Variants in AP2A2 observed in about 807,000 individuals in gnomAD.
AP2A2 encodes the protein adaptor related protein complex 2 subunit alpha 2.
Under a neutral mutation model 104.2 loss-of-function variants are expected in AP2A2, and 32 were observed. The observed-to-expected ratio is 0.31, with a 90% CI of 0.23 to 0.41. The LOEUF (loss-of-function observed/expected upper bound fraction) is 0.41. Among genes scored for constraint, AP2A2 ranks in the 10% least tolerant of loss-of-function variants. The pLI is 1.00. For synonymous variants in AP2A2, 539 were observed against 533.3 expected (o/e 1.01, Z -0.15); for missense variants, 912 against 1,261.0 (o/e 0.72, Z 4.19).
chr11:950,510 G>A (rs118033674), intron 1 of AP2A2, among the ~76,000 whole-genome samples: 10,424 of 151,838 alleles, frequency 0.069, 432 homozygotes, highest in South Asian at 0.11. Context: ...GGGTTTTGCC[G>A]TGTTGGCCAA....
intron 1 of AP2A2, among the ~76,000 whole-genome samples, chr11:957,768 C>A (rs569792799): frequency 4.5e-4 from 68 of 152,338 alleles, no homozygotes; most frequent in African/African-American, 1.6e-3. Context: ...TATCGTAATC[C>A]CTCCTAGCTT....
At chr11:999,795 A>C (rs888233503) in intron 14 of AP2A2, among the ~76,000 whole-genome samples, 3 of 135,242 alleles carry the variant, frequency 2.2e-5, no homozygotes, top group South Asian at 2.3e-4. Context: ...GCATGATCTT[A>C]GTTCTTTCTT....
At chr11:963,380 C>T (rs112937135) in intron 2 of AP2A2, among the ~76,000 whole-genome samples, 220 of 151,978 alleles carry the variant, frequency 1.4e-3, no homozygotes, top group Admixed American at 3.4e-3. Flanking sequence ...GAGCCGAGAT[C>T]GTGCCAGTGC....
At chr11:996,077 C>T (rs1253701312) in intron 14 of AP2A2, 2 of 152,230 alleles carry the variant, frequency 1.3e-5, no homozygotes, top group African/African-American at 2.4e-5. Context: ...CCATCTCTCC[C>T]TCTCCTTTGG....
At chr11:955,918 G>T (rs916962583) in intron 1 of AP2A2, among the ~76,000 whole-genome samples, 2 of 152,156 alleles carry the variant, frequency 1.3e-5, no homozygotes, top group South Asian at 4.1e-4. Flanking sequence ...AGGCCTGGCG[G>T]GGCCGCTTGT....
At chr11:970,407 C>T in intron 3 of AP2A2, 96 bp downstream of exon 3, 3 of 1,487,002 alleles carry the variant, frequency 2.0e-6, no homozygotes, top group East Asian at 2.3e-5. Flanking sequence ...CCTTCTCTGC[C>T]CACAGCTGAC....
intron 1 of AP2A2, among the ~76,000 whole-genome samples, chr11:942,698 T>C (rs1265216751): frequency 6.6e-6 from 1 of 152,182 alleles, no homozygotes; most frequent in Non-Finnish European, 1.5e-5. Context: ...TTATTTTAGA[T>C]TCTGGGGGTA....
chr11:1,002,584 G>A (rs1856064454), intron 15 of AP2A2, among the ~76,000 whole-genome samples: 1 of 152,266 alleles, frequency 6.6e-6, no homozygotes, highest in South Asian at 2.1e-4. Context: ...GCTGGAGTGG[G>A]GCATTGCGTG....
intron 1 of AP2A2, among the ~76,000 whole-genome samples, chr11:934,205 C>T (rs1469713284): frequency 6.6e-6 from 1 of 152,124 alleles, no homozygotes. Context: ...CTGCTGGGTG[C>T]GTTCTTAGGA....
rs369507312 is a variant in AP2A2, at chr11:986,764, A to G, written c.963-21A>G. On this transcript the variant is annotated intron_variant, in intron 8 of 21. Coordinates refer to ENST00000448903, the MANE Select transcript of AP2A2 (RefSeq NM_012305.4). ...TGCACTTGCTGAGGAAACCCCACCC[A>G]CTTCCCCTCCCTCCACACAGTGAGC... is the stretch of plus-strand genomic sequence containing the variant. 41 of 1,608,888 alleles carry G rather than the reference A, an allele frequency of 2.5e-5. No homozygotes were observed. The African/African-American group carries it at 4.8e-4, about 19-fold the overall frequency.
chr11:951,148 C>G (rs535604439), intron 1 of AP2A2, among the ~76,000 whole-genome samples: 1 of 151,298 alleles, frequency 6.6e-6, no homozygotes, highest in South Asian at 2.1e-4. Flanking sequence ...AATAGATTTA[C>G]GAATGTTCAA....
intron 1 of AP2A2, chr11:933,618 T>C (rs1038629057): frequency 8.8e-6 from 4 of 456,104 alleles, no homozygotes; most frequent in Admixed American, 4.7e-5. Flanking sequence ...AGCAGCCCTA[T>C]TTTAAATAGC....
At chr11:935,113 G>A (rs1474361907) in intron 1 of AP2A2, among the ~76,000 whole-genome samples, 2 of 148,190 alleles carry the variant, frequency 1.3e-5, no homozygotes. Flanking sequence ...GAGTGCAGTG[G>A]TGCGATCTCT....
intron 18 of AP2A2, 43 bp downstream of exon 18, chr11:1,008,178 G>A (rs759570162): frequency 5.8e-6 from 9 of 1,551,584 alleles, no homozygotes; most frequent in African/African-American, 5.4e-5. Flanking sequence ...GTGTGTGGGC[G>A]CCTGAGCTGT....
rs1361224575 is a variant in AP2A2 at position 1,008,047 on chromosome 11, G to T, written c.2332G>T (p.Val778Leu). The change falls in exon 18 of 22, where the codon GTG becomes TTG. Residue 778 changes from valine (V) to leucine (L), a missense_variant. Physicochemically the swap from Val to Leu is conservative, Grantham distance 32. Coordinates refer to ENST00000448903, the MANE Select transcript of AP2A2 (RefSeq NM_012305.4). ...GCAGACCAAGCCCGTGGACCCGACC[G>T]TGGAGGGGGGCGCGCAGGTGCAGCA... is the stretch of plus-strand genomic sequence containing the variant. ...NLQTKPVDPTVEGGAQVQQVV... is the reference protein window; with the variant it reads ...NLQTKPVDPTLEGGAQVQQVV... The T allele has an allele frequency of 1.9e-6, 3 of 1,574,588 alleles. No individual in the cohort carries two copies. The highest frequency in any genetic ancestry group is 2.6e-6 in the Non-Finnish European group (3 of 1,160,948).
intron 1 of AP2A2, among the ~76,000 whole-genome samples, chr11:951,947 A>G (rs761713072): frequency 6.9e-6 from 1 of 144,780 alleles, no homozygotes; most frequent in Non-Finnish European, 1.5e-5. Flanking sequence ...GGCTCACTGG[A>G]GTGTTGACTT....
intron 8 of AP2A2, 84 bp downstream of exon 8, chr11:985,666 T>C: frequency 6.4e-7 from 1 of 1,572,392 alleles, no homozygotes; most frequent in South Asian, 1.1e-5. Context: ...GCGGATCATG[T>C]CTGGTTTGTC....
At chr11:1,002,578 G>A (rs1196002339) in intron 15 of AP2A2, among the ~76,000 whole-genome samples, 1 of 152,276 alleles carries the variant, frequency 6.6e-6, no homozygotes, top group African/African-American at 2.4e-5. Context: ...TGGCAGGCTG[G>A]AGTGGGGCAT....
At chr11:950,493 A>G (rs1383717390) in intron 1 of AP2A2, among the ~76,000 whole-genome samples, 1 of 151,974 alleles carries the variant, frequency 6.6e-6, no homozygotes. Flanking sequence ...GTTTTTTTGT[A>G]GAGATAGGGT....
Sources: allele counts gnomAD v4.1 joint callset (sites outside exome capture counted in the v4.1 genomes callset), GRCh38; gene constraint gnomAD v4.1.1; transcripts MANE v1.5; gene names NCBI Gene and HGNC (gene_info 2026-07-23, HGNC 2026-07-21).